The following PXK variants were observed in gnomAD, a reference collection of about 807,000 sequenced individuals.
PXK encodes PX domain containing serine/threonine kinase like.
Under a neutral mutation model 84.7 loss-of-function variants are expected in PXK, and 35 were observed. The ratio of observed to expected loss-of-function variants is 0.41; its 90% CI spans 0.32 to 0.55. The LOEUF (loss-of-function observed/expected upper bound fraction) is 0.55. PXK is among the 20% of genes least tolerant of loss of function. The pLI is 0.21. For synonymous variants in PXK, 253 were observed against 260.8 expected (o/e 0.97, Z 0.29); for missense variants, 634 against 699.7 (o/e 0.91, Z 1.06).
intron 1 of PXK, among the ~76,000 whole-genome samples, chr3:58,350,099 AACT>A (rs1394907187): frequency 1.3e-4 from 20 of 152,226 alleles, no homozygotes; most frequent in Admixed American, 1.0e-3. Context: ...AACTGAAATT[AACT>A]ACTATTCAAA....
At chr3:58,366,835 A>G (rs948469552) in intron 2 of PXK, among the ~76,000 whole-genome samples, 12 of 152,236 alleles carry the variant, frequency 7.9e-5, no homozygotes, top group Non-Finnish European at 1.6e-4. Context: ...TTGTGAAGTA[A>G]GTAACTGTCT....
At chr3:58,362,810 C>G (rs559680957) in intron 1 of PXK, among the ~76,000 whole-genome samples, 1 of 152,262 alleles carries the variant, frequency 6.6e-6, no homozygotes, top group African/African-American at 2.4e-5. Context: ...GCCTCCCAGG[C>G]TCAAGCAATT....
At chr3:58,356,252 G>T (rs1343682880) in intron 1 of PXK, among the ~76,000 whole-genome samples, 5 of 152,170 alleles carry the variant, frequency 3.3e-5, no homozygotes, top group African/African-American at 1.2e-4. Flanking sequence ...GTGTCAAGAG[G>T]AGGGGCAGAA....
chr3:58,396,328 T>C (rs2057674963), intron 9 of PXK, among the ~76,000 whole-genome samples: 1 of 151,296 alleles, frequency 6.6e-6, no homozygotes, highest in South Asian at 2.1e-4. Context: ...AGTAATATAT[T>C]TTGTATATTA....
At chr3:58,334,164 A>G (rs891006995) in intron 1 of PXK, among the ~76,000 whole-genome samples, 1 of 152,182 alleles carries the variant, frequency 6.6e-6, no homozygotes, top group African/African-American at 2.4e-5. Context: ...ATGACTTCAA[A>G]GAGACCTTTT....
In PXK at chr3:58,342,661, A is replaced by AG. The variant is rs1354066668; in HGVS notation, c.102+9571_102+9572insG. On this transcript the variant is annotated intron_variant, in intron 1 of 17. Coordinates refer to ENST00000356151, the MANE Select transcript of PXK (RefSeq NM_017771.5). The stretch of plus-strand genomic sequence containing the variant: ...AAAAAAAAAAAAAAAAGAAAAGAAA[A>AG]AAAGAAAGAAAAACTTTTTAAAACT... Among the ~76,000 whole-genome samples the AG allele has an allele frequency of 9.9e-3, 1,488 of 150,632 alleles. 28 individuals are homozygous for AG. The highest frequency in any genetic ancestry group is 0.035 in the African/African-American group (1,421 of 40,294).
Position 58,416,068 on chromosome 3 carries a change from C to T in PXK, c.1528+3105C>T, listed in dbSNP as rs1222886864. ...TCAAGAAGAAACTTAGAACAAAGGA[C>T]GGTGGGATTGATAATAGGTACAGTT... On this transcript the variant is annotated intron_variant, in intron 17 of 17. Coordinates refer to ENST00000356151, the MANE Select transcript of PXK (RefSeq NM_017771.5). The surrounding 1 kb of genome is among the most constrained non-coding windows in gnomAD (Gnocchi z 4.8). Among the ~76,000 whole-genome samples, 1 of 152,100 alleles carries T rather than the reference C, an allele frequency of 6.6e-6. No homozygotes were observed. The highest frequency in any genetic ancestry group is 2.4e-5 in the African/African-American group (1 of 41,422).
intron 17 of PXK, among the ~76,000 whole-genome samples, chr3:58,418,136 G>A (rs1003342607): frequency 5.3e-5 from 8 of 152,116 alleles, no homozygotes; most frequent in African/African-American, 1.9e-4. Flanking sequence ...TTAAAAAATG[G>A]GTTTGTAAGA....
chr3:58,402,249 A>G (rs1324957022), intron 12 of PXK, among the ~76,000 whole-genome samples: 2 of 30,748 alleles, frequency 6.5e-5, no homozygotes, highest in African/African-American at 1.1e-4. Context: ...TCCCCCTCGC[A>G]CTCCCCCTCC....
At chr3:58,355,515 G>A (rs952191412) in intron 1 of PXK, among the ~76,000 whole-genome samples, 1 of 152,202 alleles carries the variant, frequency 6.6e-6, no homozygotes, top group African/African-American at 2.4e-5. Context: ...GTAATTTGGG[G>A]CCAGAAAGGT....
chr3:58,369,319 C>A, intron 2 of PXK, 112 bp from the exon 3 acceptor site: 2 of 776,606 alleles, frequency 2.6e-6, no homozygotes, highest in Non-Finnish European at 2.1e-6. Context: ...ACCCTTAGCA[C>A]AAGTGCCTGA....
intron 1 of PXK, among the ~76,000 whole-genome samples, chr3:58,349,837 G>A (rs2097889439): frequency 6.6e-6 from 1 of 152,158 alleles, no homozygotes; most frequent in Non-Finnish European, 1.5e-5. Context: ...TGGATATCAA[G>A]CCTTAGGTCA....
chr3:58,403,772 A>C, intron 12 of PXK, 90 bp from the exon 13 acceptor site: 2 of 698,356 alleles, frequency 2.9e-6, no homozygotes, highest in South Asian at 3.0e-5. Context: ...GGGAGACCTC[A>C]TGGGCTAAAG....
chr3:58,349,271 A>G (rs1276373113), intron 1 of PXK, among the ~76,000 whole-genome samples: 1 of 152,068 alleles, frequency 6.6e-6, no homozygotes, highest in African/African-American at 2.4e-5. Flanking sequence ...ATGTGTTGTT[A>G]TGGAGAGAGA....
At position 58,382,509 on chromosome 3, in the gene PXK, T is replaced by TTTA; in HGVS notation, c.202-5_202-4insTTA. ...GAGTGTAACTTTTTTTTTTTTTTTT[T>TTTA]AAAGATTGCAGGCCTAAGTCTACCT... On this transcript the variant is annotated splice_polypyrimidine_tract_variant and splice_region_variant and intron_variant, in intron 3 of 17. Transcript: ENST00000356151. 2.0e-6 allele frequency: 3 copies of TTTA among 1,512,804 alleles called. No homozygotes were observed. The highest frequency in any genetic ancestry group is 1.3e-5 in the South Asian group (1 of 76,124). The allele number at this position is 1,512,804 out of a possible 1,614,324, so 93.7% of individuals were successfully genotyped here. A position where few individuals can be genotyped will look rare whatever the true frequency, so the allele number is the denominator to read the frequency against.
Position 58,336,038 on chromosome 3 carries a change from C to CATATATAT in PXK, c.102+2975_102+2982dup, listed in dbSNP as rs1168755178. Among the ~76,000 whole-genome samples, 180 of 43,112 alleles carry CATATATAT rather than the reference C, an allele frequency of 4.2e-3. 4 individuals carry two copies. Among genetic ancestry groups the CATATATAT allele is most frequent in the Middle Eastern group, 0.019 (1 of 54 alleles). The allele number at this position is 43,112 out of a possible 152,430, so 28.3% of individuals were successfully genotyped here. On this transcript the variant is annotated intron_variant, in intron 1 of 17. Transcript: ENST00000356151. ...ATCAAGTTTGTTTAACCTTGGGAAA[C>CATATATAT]ATATATATATATATATATATATATA...
At chr3:58,395,376 G>T (rs2057486340) in intron 8 of PXK, among the ~76,000 whole-genome samples, 1 of 152,154 alleles carries the variant, frequency 6.6e-6, no homozygotes, top group Non-Finnish European at 1.5e-5. Context: ...TTTGTGTTTT[G>T]CGCTTAACAA....
At position 58,386,028 on chromosome 3, in the gene PXK, C is replaced by T. The variant is rs1052229021; in HGVS notation, c.388+3328C>T. On this transcript the variant is annotated intron_variant, in intron 4 of 17. Coordinates refer to ENST00000356151, the MANE Select transcript of PXK (RefSeq NM_017771.5). ...CAGGGGATGGCTAACTGGGAGCTCT[C>T]AGGACATTGGCAGCTTCCTTCTCTC... Among the ~76,000 whole-genome samples the T allele has an allele frequency of 5.3e-5, 8 of 152,216 alleles. No individual in the cohort carries two copies. The South Asian group carries it at 8.3e-4, about 16-fold the overall frequency.
At chr3:58,424,697 T>C in intron 17 of PXK, 55 bp from the exon 18 acceptor site, 1 of 1,578,978 alleles carries the variant, frequency 6.3e-7, no homozygotes, top group Non-Finnish European at 8.6e-7. Context: ...AGCAGCAGCG[T>C]GTGTGCAGGG....
Sources: gnomAD v4.1 joint callset for allele counts (sites outside exome capture counted in the v4.1 genomes callset) on GRCh38, gnomAD v4.1.1 for gene constraint, Gnocchi (gnomAD v3.1) non-coding constraint, MANE v1.5 for transcripts, NCBI Gene and HGNC (gene_info 2026-07-23, HGNC 2026-07-21) for gene names.